The following FAAH2 variants were observed in gnomAD, a reference collection of about 807,000 sequenced individuals.
FAAH2 encodes the protein fatty-acid amide hydrolase 2.
FAAH2 carries 60 observed loss-of-function variants against 36.9 expected under a neutral mutation model. The observed-to-expected ratio is 1.63, with a 90% CI of 1.32 to 2.02. The LOEUF is 2.02. Among genes scored for constraint, FAAH2 ranks in the 30% most tolerant of loss-of-function variants. FAAH2 has a pLI of 0.00. For missense variants in FAAH2, 689 were observed against 397.5 expected, an observed-to-expected ratio of 1.73 and a Z score of -6.23; for synonymous variants, 214 against 143.8, an observed-to-expected ratio of 1.49 and a Z score of -3.49.
chrX:57,363,003 T>A (rs1158665161), intron 5 of FAAH2, among the ~76,000 whole-genome samples: 1 of 111,875 alleles, frequency 8.9e-6, no homozygotes, highest in Non-Finnish European at 1.9e-5. Flanking sequence ...TGAAGTTGAA[T>A]AATGTGATGC....
At chrX:57,277,229 G>C in the FAAH2 span, among the ~76,000 whole-genome samples, 1 of 111,456 alleles carries the variant, frequency 9.0e-6, no homozygotes, top group Admixed American at 9.6e-5. Flanking sequence ...TATCCACCAC[G>C]ATCAAGTTGG....
intron 2 of FAAH2, among the ~76,000 whole-genome samples, chrX:57,294,532 T>A (rs1028936253): frequency 1.8e-5 from 2 of 112,067 alleles, no homozygotes; most frequent in Admixed American, 9.5e-5. Context: ...CTAACTCTAA[T>A]TAATCAACAA....
intron 3 of FAAH2, among the ~76,000 whole-genome samples, chrX:57,322,469 T>C (rs978713981): frequency 9.0e-6 from 1 of 111,514 alleles, no homozygotes; most frequent in African/African-American, 3.3e-5. Context: ...TTGACTATTA[T>C]GTGTTTTGGG....
rs754662372 is a variant in FAAH2 at position 57,355,474 on chromosome X, G to C, written c.742+14084G>C. On this transcript the variant is annotated intron_variant, in intron 5 of 10. Transcript: ENST00000374900. ...TTCCATGTATTTATGCTTTATTTCA[G>C]CAATGGTTTGTAGTTTTCAATGTAC... is the stretch of plus-strand genomic sequence containing the variant. Among the ~76,000 whole-genome samples the C allele has an allele frequency of 2.7e-5, 3 of 110,730 alleles. No homozygotes were observed. The South Asian group carries it at 1.1e-3, about 42-fold the overall frequency.
chrX:57,166,128 C>T, the FAAH2 span, among the ~76,000 whole-genome samples: 782 of 109,505 alleles, frequency 7.1e-3, 8 homozygotes, highest in African/African-American at 0.025. Flanking sequence ...TGGGGGTGGT[C>T]GGAGGAGAGT....
the FAAH2 span, among the ~76,000 whole-genome samples, chrX:57,227,975 C>T: frequency 8.9e-6 from 1 of 111,757 alleles, no homozygotes; most frequent in Non-Finnish European, 1.9e-5. Context: ...AACCGAAGGG[C>T]TGGTCTCACT....
At chrX:57,437,742 T>TTATTTA (rs1208279088) in intron 8 of FAAH2, among the ~76,000 whole-genome samples, 2 of 103,080 alleles carry the variant, frequency 1.9e-5, no homozygotes, top group Admixed American at 1.1e-4. Context: ...ATTATATATA[T>TTATTTA]TATTTATATT....
intron 10 of FAAH2, among the ~76,000 whole-genome samples, chrX:57,475,608 G>C (rs2057252031): frequency 9.0e-6 from 1 of 111,730 alleles, no homozygotes; most frequent in Non-Finnish European, 1.9e-5. Flanking sequence ...TTGTAGTATA[G>C]TTTTAAGTCA....
At chrX:57,401,636 CT>C (rs1018063935) in intron 7 of FAAH2, among the ~76,000 whole-genome samples, 29 of 111,291 alleles carry the variant, frequency 2.6e-4, no homozygotes, top group African/African-American at 9.5e-4. Context: ...CTTTAACAAT[CT>C]TTTGGAATCC....
Position 57,419,703 on chromosome X carries a change from G to A in FAAH2, c.997-12215G>A, listed in dbSNP as rs1249338362. Among the ~76,000 whole-genome samples the A allele has an allele frequency of 3.6e-3, 407 of 111,879 alleles. 1 individual carries two copies. Among genetic ancestry groups the A allele is most frequent in the Non-Finnish European group, 6.4e-3 (341 of 53,164 alleles). On this transcript the variant is annotated intron_variant, in intron 7 of 10. Coordinates refer to ENST00000374900, the MANE Select transcript of FAAH2 (RefSeq NM_174912.4). The stretch of plus-strand genomic sequence containing the variant: ...CTCTGATGGTAGTTTCTTTTGCTGT[G>A]CAGAAGCTCTTGAGTTTAATTAGAT...
chrX:57,317,260 T>G (rs930541167), intron 3 of FAAH2, among the ~76,000 whole-genome samples: 4 of 112,421 alleles, frequency 3.6e-5, no homozygotes, highest in African/African-American at 1.3e-4. Flanking sequence ...GTCTGCTGTA[T>G]TCAGGAGATC....
intron 8 of FAAH2, among the ~76,000 whole-genome samples, chrX:57,434,186 C>G (rs1424587254): frequency 9.3e-6 from 1 of 106,998 alleles, no homozygotes; most frequent in African/African-American, 3.4e-5. Context: ...CCTTGTTTTC[C>G]TGCCTCAGCC....
At chrX:57,477,047 C>A (rs754059096) in intron 10 of FAAH2, among the ~76,000 whole-genome samples, 3 of 109,954 alleles carry the variant, frequency 2.7e-5, no homozygotes, top group African/African-American at 9.9e-5. Context: ...GTGGTGATAT[C>A]GCCTTTATCA....
chrX:57,446,881 A>G (rs370208098), intron 8 of FAAH2, 47 bp from the exon 9 acceptor site: 14 of 1,028,584 alleles, frequency 1.4e-5, no homozygotes, highest in African/African-American at 1.9e-5. Context: ...GGTCTTTACT[A>G]TTTTGAGAAA....
Position 57,373,445 on chromosome X carries a change from T to C in FAAH2, c.743-5206T>C, listed in dbSNP as rs993903629. 5.4e-5 allele frequency among the ~76,000 whole-genome samples: 6 copies of C among 110,810 alleles called. 1 individual carries two copies. In the Admixed American group the frequency reaches 5.8e-4, roughly 11 times the overall value. Reference sequence around the variant, plus strand: ...TTGCAGGAGTAAGGTGGTATTGTATTGTGGTTTTGATTTGCATTTCCCTGA... The same window carrying C: ...TTGCAGGAGTAAGGTGGTATTGTATCGTGGTTTTGATTTGCATTTCCCTGA... On this transcript the variant is annotated intron_variant, in intron 5 of 10. Coordinates refer to ENST00000374900, the MANE Select transcript of FAAH2 (RefSeq NM_174912.4).
intron 10 of FAAH2, among the ~76,000 whole-genome samples, chrX:57,465,807 T>A (rs899613415): frequency 6.3e-5 from 7 of 110,953 alleles, no homozygotes; most frequent in Non-Finnish European, 9.5e-5. Context: ...TTATTATTTC[T>A]TCTCTTGCTT....
intron 10 of FAAH2, among the ~76,000 whole-genome samples, chrX:57,486,509 C>A (rs2057477054): frequency 8.9e-6 from 1 of 111,758 alleles, no homozygotes; most frequent in South Asian, 3.7e-4. Flanking sequence ...TCATTTGGCA[C>A]CTTCATTGAC....
chrX:57,300,103 C>A (rs2052298473), intron 2 of FAAH2, among the ~76,000 whole-genome samples: 2 of 111,623 alleles, frequency 1.8e-5, no homozygotes, highest in African/African-American at 3.3e-5. Context: ...TTGGAAAAAA[C>A]TACTTTAAAG....
chrX:57,272,820 A>T, the FAAH2 span, among the ~76,000 whole-genome samples: 1 of 112,474 alleles, frequency 8.9e-6, no homozygotes, highest in African/African-American at 3.2e-5. Flanking sequence ...TGTAAAGAAC[A>T]TCAACACTAT....
Sources: gnomAD v4.1 joint callset for allele counts (sites outside exome capture counted in the v4.1 genomes callset) on GRCh38, gnomAD v4.1.1 for gene constraint, MANE v1.5 for transcripts, NCBI Gene and HGNC (gene_info 2026-07-23, HGNC 2026-07-21) for gene names.